Variants in PSIP1 observed in about 807,000 individuals in gnomAD.
The protein encoded by PSIP1 is PC4 and SRSF1 interacting protein 1, also known as PC4 and SFRS1-interacting protein.
PSIP1 carries 19 observed loss-of-function variants against 74.7 expected under a neutral mutation model. The observed-to-expected ratio is 0.25, with a 90% CI of 0.18 to 0.37. PSIP1 has a LOEUF of 0.37. Ranked by LOEUF, PSIP1 falls within the 10% of genes least tolerant of loss-of-function variation. The probability of loss-of-function intolerance (pLI) is 1.00; values close to 1 mark genes in which losing one functional copy is unlikely to be tolerated. For synonymous variants in PSIP1, 222 were observed against 195.3 expected (o/e 1.14, Z -1.14); for missense variants, 601 against 614.3 (o/e 0.98, Z 0.23).
intron 3 of PSIP1, among the ~76,000 whole-genome samples, chr9:15,499,002 A>G (rs2037209911): frequency 6.6e-6 from 1 of 152,222 alleles, no homozygotes. Context: ...AATTTTAACA[A>G]GAAAAGATAC....
chr9:15,498,665 T>C (rs985166234), intron 3 of PSIP1, among the ~76,000 whole-genome samples: 8 of 152,112 alleles, frequency 5.3e-5, no homozygotes, highest in African/African-American at 1.9e-4. Context: ...TAAAATTACA[T>C]ATAAAAAAAT....
At chr9:15,479,403 A>G (rs999988795) in intron 7 of PSIP1, among the ~76,000 whole-genome samples, 188 bp downstream of exon 7, 9 of 152,204 alleles carry the variant, frequency 5.9e-5, no homozygotes, top group African/African-American at 1.9e-4. Flanking sequence ...GAGATAAAGC[A>G]AAGTTTATTT....
rs964174656 is a variant in PSIP1 at position 15,464,458 on chromosome 9, T to C, written c.*1062A>G. On this transcript the variant is annotated 3_prime_UTR_variant, in exon 16 of 16. Coordinates refer to ENST00000380733, the MANE Select transcript of PSIP1 (RefSeq NM_033222.5). ...ATACCCTTAAATTTTGTAACATTGA[T>C]TTTACCCTGGATTTAGTCCATACAC... is the stretch of plus-strand genomic sequence containing the variant. 2.0e-5 allele frequency: 4 copies of C among 200,780 alleles called. No individual in the cohort carries two copies. The highest frequency in any genetic ancestry group is 4.1e-5 in the Non-Finnish European group (4 of 97,670). The allele number at this position is 200,780 out of a possible 1,614,324, so 12.4% of individuals were successfully genotyped here. A position where few individuals can be genotyped will look rare whatever the true frequency, so the allele number is the denominator to read the frequency against.
At chr9:15,497,620 CG>C (rs2037144927) in intron 3 of PSIP1, among the ~76,000 whole-genome samples, 1 of 151,912 alleles carries the variant, frequency 6.6e-6, no homozygotes. Flanking sequence ...CCACCGCGCC[CG>C]GCTGATTCCA....
At chr9:15,479,842 G>C (rs2036259788) in intron 6 of PSIP1, among the ~76,000 whole-genome samples, 155 bp from the exon 7 acceptor site, 1 of 151,964 alleles carries the variant, frequency 6.6e-6, no homozygotes, top group African/African-American at 2.4e-5. Context: ...CAACTCAAGA[G>C]TAACATCTTC....
At chr9:15,468,077 C>T (rs534303991) in intron 14 of PSIP1, among the ~76,000 whole-genome samples, 9 of 149,790 alleles carry the variant, frequency 6.0e-5, no homozygotes, top group East Asian at 2.0e-4. Flanking sequence ...GCCGAGATCA[C>T]GCCACTGCAC....
At chr9:15,503,240 G>A (rs999119393) in intron 3 of PSIP1, among the ~76,000 whole-genome samples, 1 of 151,808 alleles carries the variant, frequency 6.6e-6, no homozygotes, top group Non-Finnish European at 1.5e-5. Context: ...GGTGGCGGGT[G>A]CCTGTAATCC....
chr9:15,472,449 C>T, intron 10 of PSIP1, 183 bp downstream of exon 10: 1 of 1,368,278 alleles, frequency 7.3e-7, no homozygotes, highest in Non-Finnish European at 9.3e-7. Context: ...CAATTTCATC[C>T]TCTCAGAAGA....
chr9:15,485,856 A>G (rs2036537566), intron 6 of PSIP1, 150 bp downstream of exon 6: 1 of 606,668 alleles, frequency 1.6e-6, no homozygotes, highest in African/African-American at 1.9e-5. Context: ...AAACACAGAT[A>G]GTTTTGCCAA....
intron 4 of PSIP1, among the ~76,000 whole-genome samples, chr9:15,488,823 C>T (rs889440852): frequency 2.2e-4 from 33 of 151,466 alleles, no homozygotes; most frequent in African/African-American, 6.4e-4. Context: ...AGATCGAGAC[C>T]ATCCTGGCTA....
At chr9:15,510,540 G>A (rs1475959335) in intron 1 of PSIP1, among the ~76,000 whole-genome samples, 3 of 152,058 alleles carry the variant, frequency 2.0e-5, no homozygotes, top group Admixed American at 2.0e-4. Flanking sequence ...ATGCTGCCCG[G>A]CCAGAAATCG....
chr9:15,465,961 A>C (rs370026931), intron 15 of PSIP1: 70 of 167,526 alleles, frequency 4.2e-4, no homozygotes, highest in African/African-American at 1.6e-3. Context: ...ACACATAGAC[A>C]ACAAGATTTC....
At chr9:15,496,469 CAG>C (rs779451700) in intron 3 of PSIP1, among the ~76,000 whole-genome samples, 4 of 152,194 alleles carry the variant, frequency 2.6e-5, no homozygotes, top group African/African-American at 9.6e-5. Context: ...TTTATTAAAA[CAG>C]AAAGTCTTAA....
At position 15,465,011 on chromosome 9, in the gene PSIP1, T is replaced by C; in HGVS notation, c.*509A>G. 1 of 220,168 alleles carries C rather than the reference T, an allele frequency of 4.5e-6. No homozygotes were observed. Among genetic ancestry groups the C allele is most frequent in the Non-Finnish European group, 9.1e-6 (1 of 109,722 alleles). The allele number at this position is 220,168 out of a possible 1,614,324, so 13.6% of individuals were successfully genotyped here. ...TGTAGACTGTGAGATTAAAATTAAC[T>C]TTTGATAAAAAGGGAGTGAGTACTT... On this transcript the variant is annotated 3_prime_UTR_variant, in exon 16 of 16. Transcript: ENST00000380733.
intron 10 of PSIP1, 194 bp downstream of exon 10, chr9:15,472,438 T>G: frequency 7.3e-7 from 1 of 1,370,210 alleles, no homozygotes; most frequent in Non-Finnish European, 9.3e-7. Context: ...ACTGCCTCAG[T>G]CAATTTCATC....
chr9:15,499,772 G>T (rs1203685670), intron 3 of PSIP1, among the ~76,000 whole-genome samples: 1 of 151,718 alleles, frequency 6.6e-6, no homozygotes, highest in African/African-American at 2.4e-5. Context: ...TACTCAGGAG[G>T]CTGAGGCAGG....
intron 6 of PSIP1, among the ~76,000 whole-genome samples, chr9:15,484,061 G>C (rs941590398): frequency 6.6e-6 from 1 of 151,230 alleles, no homozygotes; most frequent in African/African-American, 2.4e-5. Flanking sequence ...GAACCCGGGA[G>C]GTGGAGGTTG....
intron 4 of PSIP1, among the ~76,000 whole-genome samples, chr9:15,489,033 T>C (rs1425648732): frequency 6.6e-6 from 1 of 151,578 alleles, no homozygotes; most frequent in Non-Finnish European, 1.5e-5. Flanking sequence ...AAAAATAAAT[T>C]TTTTCTAAAT....
intron 3 of PSIP1, among the ~76,000 whole-genome samples, chr9:15,498,989 T>G (rs952614110): frequency 6.6e-6 from 1 of 152,180 alleles, no homozygotes; most frequent in African/African-American, 2.4e-5. Context: ...TATTGTTTTT[T>G]AAAATTTTAA....
Sources: gnomAD v4.1 joint callset for allele counts (sites outside exome capture counted in the v4.1 genomes callset) on GRCh38, gnomAD v4.1.1 for gene constraint, MANE v1.5 for transcripts, NCBI Gene and HGNC (gene_info 2026-07-23, HGNC 2026-07-21) for gene names.